CLSTN2: variants seen among roughly 807,000 people sequenced by gnomAD.
The protein encoded by CLSTN2 is calsyntenin-2.
Under a neutral mutation model 101.2 loss-of-function variants are expected in CLSTN2, and 48 were observed. The observed-to-expected ratio is 0.47, with a 90% CI of 0.38 to 0.60. CLSTN2 has a LOEUF of 0.60. CLSTN2 is among the 20% of genes least tolerant of loss of function. CLSTN2 has a pLI of 0.00. For missense variants in CLSTN2, 1,160 were observed against 1,238.2 expected, an observed-to-expected ratio of 0.94 and a Z score of 0.95; for synonymous variants, 481 against 463.6, an observed-to-expected ratio of 1.04 and a Z score of -0.48.
At chr3:140,132,273 T>G (rs1053178300) in intron 1 of CLSTN2, among the ~76,000 whole-genome samples, 2 of 152,228 alleles carry the variant, frequency 1.3e-5, no homozygotes, top group South Asian at 2.1e-4. Flanking sequence ...AATTATTTTT[T>G]TGTGTGTTTG....
At chr3:140,228,074 C>T (rs765370027) in intron 2 of CLSTN2, among the ~76,000 whole-genome samples, 12 of 152,202 alleles carry the variant, frequency 7.9e-5, no homozygotes, top group Non-Finnish European at 1.6e-4. Flanking sequence ...ATTTCTGCAG[C>T]TGGCTTGAAT....
At chr3:140,319,146 A>G (rs970563841) in intron 2 of CLSTN2, among the ~76,000 whole-genome samples, 1 of 152,140 alleles carries the variant, frequency 6.6e-6, no homozygotes, top group African/African-American at 2.4e-5. Context: ...ATCGATTAGG[A>G]TTTTTCTGAG....
In CLSTN2 at chr3:140,558,787, C is replaced by T. The variant is rs1239678614; in HGVS notation, c.1971C>T (p.Thr657=). The T allele has an allele frequency of 1.2e-6, 2 of 1,613,976 alleles. No individual in the cohort carries two copies. The highest frequency in any genetic ancestry group is 1.7e-5 in the Admixed American group (1 of 60,004). ...AGTTTGAAAGTGCCAGGGGAGTGACCCTCTTCCCTGATATCAAGATTGTGA... is the reference window on the plus strand; with the variant it reads ...AGTTTGAAAGTGCCAGGGGAGTGACTCTCTTCCCTGATATCAAGATTGTGA... ...AAQFESARGV[T]LFPDIKIVST... is the part of the protein sequence containing the mutation. The change falls in exon 12 of 17, where the codon ACC becomes ACT. Residue 657 remains threonine, a synonymous_variant. Transcript: ENST00000458420.
At chr3:140,089,971 CTTTTTTTTT>C (rs58418539) in intron 1 of CLSTN2, among the ~76,000 whole-genome samples, 7 of 49,648 alleles carry the variant, frequency 1.4e-4, no homozygotes, top group African/African-American at 5.7e-4. Context: ...CTAGGATTGG[CTTTTTTTTT>C]TTTTTTTTTT....
At chr3:140,486,469 T>C (rs1934243925) in intron 8 of CLSTN2, among the ~76,000 whole-genome samples, 1 of 152,226 alleles carries the variant, frequency 6.6e-6, no homozygotes, top group Non-Finnish European at 1.5e-5. Flanking sequence ...TGAGTTCTAC[T>C]GATGCAAAGT....
At chr3:140,383,056 TA>T in intron 2 of CLSTN2, among the ~76,000 whole-genome samples, 1 of 152,206 alleles carries the variant, frequency 6.6e-6, no homozygotes, top group East Asian at 1.9e-4. Context: ...CAGAAGATGA[TA>T]TTTTTTGCAT....
intron 2 of CLSTN2, among the ~76,000 whole-genome samples, chr3:140,278,102 A>G (rs2086811912): frequency 1.3e-5 from 2 of 152,212 alleles, no homozygotes; most frequent in African/African-American, 4.8e-5. Flanking sequence ...GCAGGATTAG[A>G]GTAGTCTGAG....
At chr3:139,975,938 A>G (rs1935808564) in intron 1 of CLSTN2, among the ~76,000 whole-genome samples, 2 of 152,220 alleles carry the variant, frequency 1.3e-5, no homozygotes, top group African/African-American at 4.8e-5. Context: ...CTTATGACAC[A>G]GTTATGAGGC....
chr3:140,431,986 T>C (rs2088636030), intron 5 of CLSTN2, among the ~76,000 whole-genome samples: 1 of 152,160 alleles, frequency 6.6e-6, no homozygotes, highest in African/African-American at 2.4e-5. Flanking sequence ...ATTGGGAAAA[T>C]AGACACCATC....
chr3:140,406,874 C>A (rs759683326), intron 4 of CLSTN2, among the ~76,000 whole-genome samples: 101 of 152,336 alleles, frequency 6.6e-4, no homozygotes, highest in Non-Finnish European at 1.3e-3. Context: ...GATGCAAAGT[C>A]TTTCTTTGGA....
chr3:140,301,663 T>C (rs747779292), intron 2 of CLSTN2, among the ~76,000 whole-genome samples: 4 of 152,248 alleles, frequency 2.6e-5, no homozygotes, highest in African/African-American at 7.2e-5. Context: ...CCCTGGACTA[T>C]AATTTGAGAA....
chr3:140,229,440 A>T (rs2086352231), intron 2 of CLSTN2, among the ~76,000 whole-genome samples: 1 of 152,056 alleles, frequency 6.6e-6, no homozygotes. Context: ...GAGACGCCAC[A>T]TTCCCACATT....
At chr3:140,024,383 A>G (rs1452415803) in intron 1 of CLSTN2, among the ~76,000 whole-genome samples, 1 of 152,154 alleles carries the variant, frequency 6.6e-6, no homozygotes, top group Non-Finnish European at 1.5e-5. Context: ...TTCCCCAGGG[A>G]GCCCTGGACT....
At chr3:140,509,976 ATACACT>A (rs1934776248) in intron 8 of CLSTN2, among the ~76,000 whole-genome samples, 1 of 152,250 alleles carries the variant, frequency 6.6e-6, no homozygotes, top group Admixed American at 6.5e-5. Context: ...AATGTATTTA[ATACACT>A]TAAGCTACTG....
At chr3:140,541,827 C>G (rs1382922887) in intron 9 of CLSTN2, among the ~76,000 whole-genome samples, 1 of 152,074 alleles carries the variant, frequency 6.6e-6, no homozygotes, top group Non-Finnish European at 1.5e-5. Flanking sequence ...TGTTTTTCCC[C>G]CAAAGGCTGA....
intron 1 of CLSTN2, among the ~76,000 whole-genome samples, chr3:139,958,170 T>A (rs1275026368): frequency 6.6e-6 from 1 of 152,124 alleles, no homozygotes; most frequent in Non-Finnish European, 1.5e-5. Context: ...TGCTCCTGCT[T>A]GATTTGTGGC....
intron 2 of CLSTN2, among the ~76,000 whole-genome samples, chr3:140,362,568 A>G (rs1307699616): frequency 1.3e-5 from 2 of 152,212 alleles, no homozygotes; most frequent in African/African-American, 4.8e-5. Context: ...TCATATATCT[A>G]TTAAGGACTT....
At chr3:140,048,606 G>A (rs1045091772) in intron 1 of CLSTN2, among the ~76,000 whole-genome samples, 9 of 152,176 alleles carry the variant, frequency 5.9e-5, no homozygotes, top group African/African-American at 2.2e-4. Flanking sequence ...AAGAAACTGA[G>A]GCAAAGAGAG....
intron 5 of CLSTN2, among the ~76,000 whole-genome samples, chr3:140,422,208 TC>T (rs2088514812): frequency 6.6e-6 from 1 of 152,040 alleles, no homozygotes; most frequent in Non-Finnish European, 1.5e-5. Context: ...TCTCTCTCTC[TC>T]TCTCTCTCTC....
Sources: allele counts gnomAD v4.1 joint callset (sites outside exome capture counted in the v4.1 genomes callset), GRCh38; gene constraint gnomAD v4.1.1; transcripts MANE v1.5; gene names NCBI Gene and HGNC (gene_info 2026-07-23, HGNC 2026-07-21).